Variants in DARS2 observed in about 807,000 individuals in gnomAD.
The protein encoded by DARS2 is aspartyl-tRNA synthetase 2, mitochondrial, also known as aspartate--tRNA ligase, mitochondrial.
In DARS2, 63 loss-of-function variants were observed where a neutral mutation model predicts 83.0. The ratio of observed to expected loss-of-function variants is 0.76; its 90% confidence interval spans 0.62 to 0.94. DARS2 has a LOEUF of 0.94. Ranked by LOEUF, DARS2 falls within the 40% of genes least tolerant of loss-of-function variation. DARS2 has a pLI of 0.00. For synonymous variants in DARS2, 250 were observed against 269.3 expected (o/e 0.93, Z 0.70); for missense variants, 675 against 774.4 (o/e 0.87, Z 1.52).
chr1:173,840,916 A>T lies in DARS2; in HGVS notation c.1071A>T (p.Gln357His). Residue 357 changes from glutamine to histidine, a missense_variant, in exon 11 of 17, where the codon CAA becomes CAT. Physicochemically the swap from Gln to His is conservative, Grantham distance 24. Transcript: ENST00000649689. ...VFRNTEIGFL[Q>H]DALSKPHGTV... ...GAAACACAGAGATTGGATTTCTTCA[A>T]GATGCACTTAGTAAGCCCCATGGAA... The T allele has an allele frequency of 6.2e-7, 1 of 1,613,438 alleles. No homozygotes were observed. The highest frequency in any genetic ancestry group is 1.3e-5 in the African/African-American group (1 of 75,044).
rs1383328266 is a variant in DARS2 at position 173,825,181 on chromosome 1, C to G, written c.-49C>G. The G allele has an allele frequency of 6.2e-7, 1 of 1,600,136 alleles. No individual in the cohort carries two copies. The highest frequency in any genetic ancestry group is 1.1e-5 in the South Asian group (1 of 90,830). On this transcript the variant is annotated 5_prime_UTR_variant, in exon 1 of 17. Coordinates refer to ENST00000649689, the MANE Select transcript of DARS2 (RefSeq NM_018122.5). Reference sequence around the variant, plus strand: ...ATTTCCAAAACTGACTTTTAACTACCGGCAGCGTGGGATTTCGTGATTGTT... The same window carrying G: ...ATTTCCAAAACTGACTTTTAACTACGGGCAGCGTGGGATTTCGTGATTGTT...
intron 7 of DARS2, among the ~76,000 whole-genome samples, chr1:173,834,731 TG>T (rs369722584): frequency 5.6e-4 from 63 of 113,246 alleles, no homozygotes; most frequent in African/African-American, 1.5e-3. Flanking sequence ...TGAGTTTTTT[TG>T]TTTTTTTTTT....
At chr1:173,825,421 C>A (rs544244190) in intron 1 of DARS2, 65 bp downstream of exon 1, 67 of 1,452,140 alleles carry the variant, frequency 4.6e-5, no homozygotes, top group Admixed American at 2.3e-4. Context: ...GGCCGGAGAG[C>A]TTTTATTCCA....
intron 2 of DARS2, 56 bp downstream of exon 2, chr1:173,826,842 C>T: frequency 7.8e-7 from 1 of 1,275,650 alleles, no homozygotes; most frequent in South Asian, 1.2e-5. Flanking sequence ...CAGGGCAATT[C>T]CAAACCTTTA....
rs754752982 is a variant in DARS2, at chr1:173,828,316, C to A, written c.228-17C>A. 18 of 1,081,562 alleles carry A rather than the reference C, an allele frequency of 1.7e-5. No homozygotes were observed. Among genetic ancestry groups the A allele is most frequent in the Middle Eastern group, 2.3e-4 (1 of 4,440 alleles). The allele number at this position is 1,081,562 out of a possible 1,614,324, so 67.0% of individuals were successfully genotyped here. A position where few individuals can be genotyped will look rare whatever the true frequency, so the allele number is the denominator to read the frequency against. On this transcript the variant is annotated splice_polypyrimidine_tract_variant and intron_variant, in intron 2 of 16. Transcript: ENST00000649689. Reference sequence around the variant, plus strand: ...TTTTATCTTAAAATGTTTCTTTTCCCCCCCCCCATTAATCAGGCAAAACAC... The same window carrying A: ...TTTTATCTTAAAATGTTTCTTTTCCACCCCCCCATTAATCAGGCAAAACAC...
chr1:173,834,234 T>TTAAA (rs139363230), intron 6 of DARS2, among the ~76,000 whole-genome samples: 2 of 152,340 alleles, frequency 1.3e-5, no homozygotes, highest in African/African-American at 4.8e-5. Flanking sequence ...CAAGAATCCA[T>TTAAA]TAAATATTTA....
intron 8 of DARS2, 69 bp downstream of exon 8, chr1:173,837,115 C>A: frequency 7.4e-7 from 1 of 1,348,302 alleles, no homozygotes; most frequent in Non-Finnish European, 1.1e-6. Flanking sequence ...AAAGGAAACA[C>A]AAAATCCTCT....
At chr1:173,844,669 CAAAAAAAAAA>C (rs549839808) in intron 11 of DARS2, among the ~76,000 whole-genome samples, 178 of 29,690 alleles carry the variant, frequency 6.0e-3, no homozygotes, top group African/African-American at 0.012. Flanking sequence ...GACTCCATCG[CAAAAAAAAAA>C]AAAAAAAAAA....
chr1:173,849,163 T>C (rs1316616292), intron 12 of DARS2, among the ~76,000 whole-genome samples: 2 of 151,620 alleles, frequency 1.3e-5, no homozygotes, highest in African/African-American at 2.4e-5. Flanking sequence ...TCTTTTTTTT[T>C]TTTTTAATGC....
In DARS2 at chr1:173,825,330, T is replaced by G; in HGVS notation, c.101T>G (p.Leu34Trp). ...TGGGGTTCTCTCTACAGAAGTCTGT[T>G]GCAGAGTTCACAGAGGAGAATTCCA... The part of the protein sequence containing the change: ...PIWGSLYRSL[L>W]QSSQRRIPEF... The change falls in exon 1 of 17, where the codon TTG becomes TGG. Residue 34 changes from leucine (L) to tryptophan (W), a missense_variant. By Grantham distance (61) the Leu-to-Trp change is moderately conservative (BLOSUM62 -2). Coordinates refer to ENST00000649689, the MANE Select transcript of DARS2 (RefSeq NM_018122.5). 1 of 1,613,754 alleles carries G rather than the reference T, an allele frequency of 6.2e-7. No homozygotes were observed. Among genetic ancestry groups the G allele is most frequent in the South Asian group, 1.1e-5 (1 of 91,088 alleles).
intron 11 of DARS2, among the ~76,000 whole-genome samples, chr1:173,841,628 C>T (rs1653215141): frequency 6.6e-6 from 1 of 151,786 alleles, no homozygotes; most frequent in Non-Finnish European, 1.5e-5. Context: ...GCCTGGGGAA[C>T]ATAGACCTCA....
In DARS2 at chr1:173,845,287, A is replaced by G. The variant is rs766404473; in HGVS notation, c.1187A>G (p.Asn396Ser). Residue 396 changes from asparagine to serine, a missense_variant, in exon 12 of 17, where the codon AAT becomes AGT. By Grantham distance (46) the Asn-to-Ser change is conservative (BLOSUM62 1). Transcript: ENST00000649689. ...SIRNFAADHF[N>S]QEILPVFLNA... ...AGAAACTTTGCAGCTGACCATTTTA[A>G]TCAGGTAAGGAGTTAATTAGAGCAG... The G allele has an allele frequency of 3.7e-6, 6 of 1,608,966 alleles. No homozygotes were observed. The South Asian group carries it at 6.6e-5, about 18-fold the overall frequency.
intron 15 of DARS2, among the ~76,000 whole-genome samples, chr1:173,855,274 G>C (rs558285619): frequency 1.3e-5 from 2 of 152,092 alleles, no homozygotes; most frequent in Non-Finnish European, 2.9e-5. Flanking sequence ...CGGCTATTTT[G>C]TATTTTTAGT....
chr1:173,849,524 T>G (rs537201444), intron 12 of DARS2, among the ~76,000 whole-genome samples: 146 of 134,274 alleles, frequency 1.1e-3, no homozygotes, highest in Non-Finnish European at 1.3e-3. Context: ...AGAGCGAGAC[T>G]CCATCTCAAA....
chr1:173,844,310 T>G (rs6691327), intron 11 of DARS2, among the ~76,000 whole-genome samples: 13,792 of 152,178 alleles, frequency 0.091, 2,014 homozygotes, highest in African/African-American at 0.31. Context: ...GACATTCATG[T>G]TGAACATTTA....
Position 173,853,382 on chromosome 1 carries a change from G to T in DARS2, c.1378G>T (p.Ala460Ser). Reference protein sequence around the residue: ...SLLGKLRLECADLLETRGVVL... With the variant: ...SLLGKLRLECSDLLETRGVVL... ...GTTAGGAAAATTACGACTGGAATGT[G>T]CTGACCTTCTAGAAACAAGAGGAGT... is the stretch of plus-strand genomic sequence containing the variant. Residue 460 changes from alanine (A) to serine (S), a missense_variant, in exon 14 of 17, where the codon GCT becomes TCT. Transcript: ENST00000649689. The T allele has an allele frequency of 1.2e-5, 20 of 1,613,970 alleles. No individual in the cohort carries two copies. The highest frequency in any genetic ancestry group is 1.7e-5 in the Non-Finnish European group (20 of 1,180,024).
chr1:173,857,650 C>G lies in DARS2; in HGVS notation c.1883C>G (p.Pro628Arg). 1 of 1,614,044 alleles carries G rather than the reference C, an allele frequency of 6.2e-7. No individual in the cohort carries two copies. The highest frequency in any genetic ancestry group is 1.1e-5 in the South Asian group (1 of 91,072). Residue 628 changes from proline (P) to arginine (R), a missense_variant, in exon 17 of 17, where the codon CCC becomes CGC. Physicochemically the swap from Pro to Arg is moderately radical, Grantham distance 103. Coordinates refer to ENST00000649689, the MANE Select transcript of DARS2 (RefSeq NM_018122.5). ...TCTGTCCCTCCTGAGGAACTGAAGC[C>G]CTATCATATCCGAGTCTCCAAGCCA... ...PDSVPPEELK[P>R]YHIRVSKPTD...
At chr1:173,830,844 T>C in intron 4 of DARS2, 83 bp downstream of exon 4, 1 of 1,006,780 alleles carries the variant, frequency 9.9e-7, no homozygotes, top group Non-Finnish European at 1.6e-6. Context: ...AACACATGAC[T>C]GGACATTAGG....
Position 173,850,484 on chromosome 1 carries a change from G to GA in DARS2, c.1344+10dup. 1.2e-6 allele frequency: 2 copies of GA among 1,612,462 alleles called. No homozygotes were observed. The highest frequency in any genetic ancestry group is 1.7e-6 in the Non-Finnish European group (2 of 1,179,088). On this transcript the variant is annotated splice_donor_region_variant and intron_variant, in intron 13 of 16. Coordinates refer to ENST00000649689, the MANE Select transcript of DARS2 (RefSeq NM_018122.5). ...GCTGGAGAGCACAATAAAGCAGTAA[G>GA]AAAAATTACTTCCAAGCATCAGTGC... is the stretch of plus-strand genomic sequence containing the variant.
Sources: allele counts gnomAD v4.1 joint callset (sites outside exome capture counted in the v4.1 genomes callset), GRCh38; gene constraint gnomAD v4.1.1; transcripts MANE v1.5; gene names NCBI Gene and HGNC (gene_info 2026-07-23, HGNC 2026-07-21).